SMIM17: variants seen among roughly 807,000 people sequenced by gnomAD.
The protein encoded by SMIM17 is small integral membrane protein 17.
In SMIM17, 10 loss-of-function variants were observed where a neutral mutation model predicts 12.2. The observed-to-expected ratio is 0.82, with a 90% CI of 0.50 to 1.39. The LOEUF (loss-of-function observed/expected upper bound fraction) is 1.39, where lower values mean the gene tolerates loss of function less well. Ranked by LOEUF, SMIM17 falls within the 40% of genes most tolerant of loss-of-function variation. SMIM17 has a pLI of 0.00. For missense variants in SMIM17, 136 were observed against 118.2 expected (o/e 1.15, Z -0.70); for synonymous variants, 50 against 44.1 (o/e 1.13, Z -0.53).
Position 56,657,143 on chromosome 19 carries a change from A to G in SMIM17, c.*1930A>G, listed in dbSNP as rs965644203. 6.6e-6 allele frequency among the ~76,000 whole-genome samples: 1 copy of G among 152,212 alleles called. No homozygotes were observed. Among genetic ancestry groups the G allele is most frequent in the Non-Finnish European group, 1.5e-5 (1 of 68,026 alleles). ...ACAGCTGTGTAATTCGAGGCATATA[A>G]GTGCAGCATTGTTATGTCCTTGTTA... On this transcript the variant is annotated 3_prime_UTR_variant, in exon 4 of 4. Transcript: ENST00000598409.
intron 3 of SMIM17, among the ~76,000 whole-genome samples, chr19:56,653,315 A>G (rs1368770346): frequency 6.6e-6 from 1 of 152,236 alleles, no homozygotes; most frequent in African/African-American, 2.4e-5. Context: ...CCAAAAAAGG[A>G]AATTATGGCA....
intron 3 of SMIM17, among the ~76,000 whole-genome samples, chr19:56,653,322 G>A (rs2045124213): frequency 6.6e-6 from 1 of 152,170 alleles, no homozygotes; most frequent in South Asian, 2.1e-4. Context: ...AGGAAATTAT[G>A]GCAAAATTGT....
rs1347151269 is a variant in SMIM17 at position 56,655,807 on chromosome 19, T to C, written c.*594T>C. ...AGTATCAGTCCCTTGACACCTTACATGAATTCATTGTTATAACCAGGTCAT... is the reference window on the plus strand; with the variant it reads ...AGTATCAGTCCCTTGACACCTTACACGAATTCATTGTTATAACCAGGTCAT... On this transcript the variant is annotated 3_prime_UTR_variant, in exon 4 of 4. Coordinates refer to ENST00000598409, the MANE Select transcript of SMIM17 (RefSeq NM_001193628.2). 6.6e-6 allele frequency: 1 copy of C among 152,376 alleles called. No homozygotes were observed. Among genetic ancestry groups the C allele is most frequent in the Non-Finnish European group, 1.5e-5 (1 of 68,166 alleles). 9.4% of individuals were successfully genotyped at this position (152,376 alleles called of 1,614,324 possible). A position where few individuals can be genotyped will look rare whatever the true frequency, so the allele number is the denominator to read the frequency against.
chr19:56,651,566 G>T (rs544641162), intron 3 of SMIM17, among the ~76,000 whole-genome samples: 1 of 152,172 alleles, frequency 6.6e-6, no homozygotes, highest in Admixed American at 6.5e-5. Context: ...AAGTGCATGA[G>T]ATTTTAAAAA....
chr19:56,649,387 G>T (rs971211114), intron 3 of SMIM17, among the ~76,000 whole-genome samples: 5 of 152,168 alleles, frequency 3.3e-5, no homozygotes, highest in Non-Finnish European at 7.3e-5. Flanking sequence ...AGACAGAAGT[G>T]GTCCCTGCCT....
chr19:56,651,174 A>C (rs10404629), intron 3 of SMIM17, among the ~76,000 whole-genome samples: 88,481 of 152,066 alleles, frequency 0.58, 25,986 homozygotes, highest in East Asian at 0.73. Context: ...TTTACTTGGT[A>C]CTCTTATCAG....
At chr19:56,646,135 C>T (rs1279327352) in intron 2 of SMIM17, among the ~76,000 whole-genome samples, 1 of 152,166 alleles carries the variant, frequency 6.6e-6, no homozygotes, top group East Asian at 1.9e-4. Flanking sequence ...TGGTCGATCT[C>T]AGATGGCTTT....
intron 3 of SMIM17, among the ~76,000 whole-genome samples, chr19:56,648,201 C>T (rs904256929): frequency 7.0e-6 from 1 of 142,054 alleles, no homozygotes; most frequent in African/African-American, 2.6e-5. Context: ...CATCCCTATA[C>T]CTCAGCTGTC....
At chr19:56,654,042 C>A (rs1338035791) in intron 3 of SMIM17, among the ~76,000 whole-genome samples, 1 of 152,202 alleles carries the variant, frequency 6.6e-6, no homozygotes, top group Non-Finnish European at 1.5e-5. Context: ...TTTGTCTTCT[C>A]ATCTCTTATC....
chr19:56,645,217 TTG>T (rs1043465360), intron 1 of SMIM17, among the ~76,000 whole-genome samples: 1 of 147,590 alleles, frequency 6.8e-6, no homozygotes, highest in African/African-American at 2.5e-5. Context: ...GTGTGTGTGT[TTG>T]TGTTTGTGTT....
At chr19:56,648,519 C>T (rs1209944700) in intron 3 of SMIM17, among the ~76,000 whole-genome samples, 1 of 152,140 alleles carries the variant, frequency 6.6e-6, no homozygotes, top group Non-Finnish European at 1.5e-5. Context: ...ATATCCATCC[C>T]CTATCCACTC....
intron 3 of SMIM17, among the ~76,000 whole-genome samples, chr19:56,650,415 G>A (rs937342414): frequency 1.4e-4 from 21 of 152,154 alleles, no homozygotes; most frequent in African/African-American, 4.3e-4. Context: ...CTCGTAATCC[G>A]CCCACCTCGG....
intron 3 of SMIM17, 52 bp from the exon 4 acceptor site, chr19:56,655,051 A>G (rs2045138752): frequency 3.2e-6 from 2 of 624,646 alleles, no homozygotes; most frequent in Non-Finnish European, 5.8e-6. Flanking sequence ...GCAAGTAACA[A>G]TGGTGGCCCC....
At chr19:56,647,711 C>T (rs2045075436) in intron 3 of SMIM17, 77 bp downstream of exon 3, 1 of 1,285,946 alleles carries the variant, frequency 7.8e-7, no homozygotes, top group Non-Finnish European at 1.1e-6. Context: ...TTTGCATTCT[C>T]AGCTTGGAAT....
In SMIM17 at chr19:56,656,191, G is replaced by T. The variant is rs184928040; in HGVS notation, c.*978G>T. On this transcript the variant is annotated 3_prime_UTR_variant, in exon 4 of 4. Transcript: ENST00000598409. Reference sequence around the variant, plus strand: ...GATCTCCTGACCTCGTGATCCGCCCGCCTTGGCCTCCCAAAGTGCTGGGAT... The same window carrying T: ...GATCTCCTGACCTCGTGATCCGCCCTCCTTGGCCTCCCAAAGTGCTGGGAT... Among the ~76,000 whole-genome samples, 1,511 of 152,048 alleles carry T rather than the reference G, an allele frequency of 9.9e-3. 23 individuals carry two copies. Among genetic ancestry groups the T allele is most frequent in the African/African-American group, 0.029 (1,210 of 41,492 alleles).
chr19:56,654,467 A>G (rs1021265026), intron 3 of SMIM17, among the ~76,000 whole-genome samples: 3 of 152,272 alleles, frequency 2.0e-5, no homozygotes, highest in African/African-American at 7.2e-5. Flanking sequence ...TACAAGATAG[A>G]TGACAGTGGC....
intron 1 of SMIM17, among the ~76,000 whole-genome samples, 180 bp from the exon 2 acceptor site, chr19:56,645,388 G>A (rs924993162): frequency 1.3e-5 from 2 of 152,134 alleles, no homozygotes; most frequent in African/African-American, 2.4e-5. Flanking sequence ...ACCCTCTAGC[G>A]TTTGACCTGC....
Position 56,655,345 on chromosome 19 carries a change from G to T in SMIM17, c.*132G>T. ...TTCAAATGCCTTTCAAACATCCTTT[G>T]AGATGATTTTTAAAAAATTTTTGGT... is the stretch of plus-strand genomic sequence containing the variant. On this transcript the variant is annotated 3_prime_UTR_variant, in exon 4 of 4. Coordinates refer to ENST00000598409, the MANE Select transcript of SMIM17 (RefSeq NM_001193628.2). The T allele has an allele frequency of 2.0e-6, 1 of 497,498 alleles. No homozygotes were observed. Among genetic ancestry groups the T allele is most frequent in the African/African-American group, 1.9e-5 (1 of 51,846 alleles). The allele number at this position is 497,498 out of a possible 1,614,324, so 30.8% of individuals were successfully genotyped here. A position where few individuals can be genotyped will look rare whatever the true frequency, so the allele number is the denominator to read the frequency against.
At position 56,647,643 on chromosome 19, in the gene SMIM17, G is replaced by C; in HGVS notation, c.246+9G>C. 5 of 1,535,194 alleles carry C rather than the reference G, an allele frequency of 3.3e-6. No individual in the cohort carries two copies. Among genetic ancestry groups the C allele is most frequent in the Non-Finnish European group, 4.4e-6 (5 of 1,146,290 alleles). ...AATCAGAGGGCTCCCAGGTACACTG[G>C]GGGGTTTGTTCTTTTTCCACAAATG... On this transcript the variant is annotated intron_variant, in intron 3 of 3. Coordinates refer to ENST00000598409, the MANE Select transcript of SMIM17 (RefSeq NM_001193628.2).
Sources: allele counts gnomAD v4.1 joint callset (sites outside exome capture counted in the v4.1 genomes callset), GRCh38; gene constraint gnomAD v4.1.1; transcripts MANE v1.5; gene names NCBI Gene and HGNC (gene_info 2026-07-23, HGNC 2026-07-21).